CHST8: variants seen among roughly 807,000 people sequenced by gnomAD.
The protein encoded by CHST8 is carbohydrate sulfotransferase 8.
Under a neutral mutation model 15.0 loss-of-function variants are expected in CHST8, and 10 were observed. The observed-to-expected ratio is 0.67, with a 90% CI of 0.41 to 1.13. The LOEUF (loss-of-function observed/expected upper bound fraction) is 1.13. CHST8 is among the 50% of genes most tolerant of loss of function. The pLI, the probability that CHST8 is intolerant of heterozygous loss-of-function variation, is 0.00. For synonymous variants in CHST8, 259 were observed against 256.6 expected (o/e 1.01, Z -0.09); for missense variants, 634 against 608.2 (o/e 1.04, Z -0.45).
At chr19:33,661,867 C>CAAAA (rs34236738) in intron 1 of CHST8, among the ~76,000 whole-genome samples, 5 of 76,662 alleles carry the variant, frequency 6.5e-5, no homozygotes, top group African/African-American at 1.7e-4. Flanking sequence ...TTCATCTTTA[C>CAAAA]AAAAAAAAAA....
chr19:33,771,887 C>T (rs1974990477), intron 4 of CHST8, 70 bp from the exon 5 acceptor site: 4 of 1,499,108 alleles, frequency 2.7e-6, no homozygotes, highest in Non-Finnish European at 2.7e-6. Flanking sequence ...GTGGTGAGAG[C>T]CTGACCTGTG....
At chr19:33,661,867 CAAAAAAAAAA>C (rs34236738) in intron 1 of CHST8, among the ~76,000 whole-genome samples, 13 of 76,664 alleles carry the variant, frequency 1.7e-4, no homozygotes, top group African/African-American at 4.8e-4. Context: ...TTCATCTTTA[CAAAAAAAAAA>C]AAAAAAAAAA....
At chr19:33,762,452 G>A (rs1021739979) in intron 3 of CHST8, among the ~76,000 whole-genome samples, 2 of 152,234 alleles carry the variant, frequency 1.3e-5, no homozygotes, top group African/African-American at 4.8e-5. Flanking sequence ...CAGCTGAATC[G>A]TGGATCCTAA....
rs1179274022 is a variant in CHST8 at position 33,764,823 on chromosome 19, GT to G, written c.131-6584del. Among the ~76,000 whole-genome samples, 8 of 152,004 alleles carry G rather than the reference GT, an allele frequency of 5.3e-5. No homozygotes were observed. The South Asian group carries it at 1.7e-3, about 32-fold the overall frequency. On this transcript the variant is annotated intron_variant, in intron 3 of 4. Coordinates refer to ENST00000650847, the MANE Select transcript of CHST8 (RefSeq NM_001127895.2). ...CAGTGTACACTGCACACAATTTGTA[GT>G]TTTTTATCCTTCACCCCCTTCCCAC...
chr19:33,695,029 C>T (rs1973184865), intron 3 of CHST8, among the ~76,000 whole-genome samples: 1 of 151,046 alleles, frequency 6.6e-6, no homozygotes, highest in Non-Finnish European at 1.5e-5. Context: ...CATGAAAGCT[C>T]ACTGCAGCTT....
In CHST8 at chr19:33,680,303, C is replaced by A. The variant is rs1048982891; in HGVS notation, c.-86-8873C>A. 2.0e-5 allele frequency among the ~76,000 whole-genome samples: 3 copies of A among 152,332 alleles called. No homozygotes were observed. In the East Asian group the frequency reaches 5.8e-4, roughly 29 times the overall value. On this transcript the variant is annotated intron_variant, in intron 2 of 4. Coordinates refer to ENST00000650847, the MANE Select transcript of CHST8 (RefSeq NM_001127895.2). ...CCTTTTTCTTTTCTTTCCCTCACAA[C>A]TGTGACTCAAAATCCCATTCTGGGC...
intron 3 of CHST8, among the ~76,000 whole-genome samples, chr19:33,766,530 G>T (rs962778565): frequency 6.6e-6 from 1 of 152,206 alleles, no homozygotes; most frequent in Non-Finnish European, 1.5e-5. Flanking sequence ...TGCACCTTAG[G>T]TGTGGGAGCT....
At chr19:33,664,419 G>A (rs972704362) in intron 1 of CHST8, among the ~76,000 whole-genome samples, 1 of 138,674 alleles carries the variant, frequency 7.2e-6, no homozygotes, top group Admixed American at 7.0e-5. Context: ...ATATCTCCCA[G>A]TGCTATCCCT....
At chr19:33,624,263 GAGC>G (rs1421662743) in intron 1 of CHST8, among the ~76,000 whole-genome samples, 1 of 152,230 alleles carries the variant, frequency 6.6e-6, no homozygotes, top group Admixed American at 6.5e-5. Context: ...TAAATTGCCT[GAGC>G]AGGCAAAATG....
At chr19:33,703,848 G>A (rs758726165) in intron 3 of CHST8, among the ~76,000 whole-genome samples, 1 of 152,198 alleles carries the variant, frequency 6.6e-6, no homozygotes, top group Non-Finnish European at 1.5e-5. Context: ...TGGAAGATTC[G>A]CTCATTTTGA....
In CHST8 at chr19:33,745,322, T is replaced by C. The variant is rs112475641; in HGVS notation, c.131-26091T>C. On this transcript the variant is annotated intron_variant, in intron 3 of 4. Transcript: ENST00000650847. Reference sequence around the variant, plus strand: ...CCATATTTCTTAGCCTCCAGATACATTTTTTTACATGCCAGGGCATTTTCT... The same window carrying C: ...CCATATTTCTTAGCCTCCAGATACACTTTTTTACATGCCAGGGCATTTTCT... Among the ~76,000 whole-genome samples, 4 of 152,266 alleles carry C rather than the reference T, an allele frequency of 2.6e-5. 1 individual carries two copies. Among genetic ancestry groups the C allele is most frequent in the African/African-American group, 9.6e-5 (4 of 41,586 alleles).
intron 1 of CHST8, among the ~76,000 whole-genome samples, chr19:33,651,635 T>G (rs1475147091): frequency 1.3e-5 from 2 of 152,204 alleles, no homozygotes; most frequent in Admixed American, 6.5e-5. Flanking sequence ...TCCTTGTGAT[T>G]CTTTGACTCA....
intron 2 of CHST8, among the ~76,000 whole-genome samples, chr19:33,671,742 A>G (rs1212766453): frequency 6.6e-6 from 1 of 151,470 alleles, no homozygotes. Context: ...TGTCCTTAGT[A>G]TTTCTCACCC....
intron 3 of CHST8, among the ~76,000 whole-genome samples, chr19:33,740,254 C>A (rs998591953): frequency 1.6e-4 from 25 of 152,072 alleles, no homozygotes; most frequent in African/African-American, 6.0e-4. Flanking sequence ...TGTGGAAGTC[C>A]CCAAGCTCTT....
At chr19:33,663,794 C>T (rs1286168204) in intron 1 of CHST8, among the ~76,000 whole-genome samples, 2 of 152,060 alleles carry the variant, frequency 1.3e-5, no homozygotes, top group Admixed American at 6.6e-5. Context: ...CGCTTGAACT[C>T]GGGAGGTGGA....
At chr19:33,740,557 T>C (rs1432006127) in intron 3 of CHST8, among the ~76,000 whole-genome samples, 1 of 152,198 alleles carries the variant, frequency 6.6e-6, no homozygotes, top group African/African-American at 2.4e-5. Flanking sequence ...AGACTGGCAA[T>C]GTAAGTCGGA....
intron 3 of CHST8, among the ~76,000 whole-genome samples, chr19:33,757,219 G>A (rs1236106782): frequency 5.3e-5 from 8 of 151,386 alleles, no homozygotes; most frequent in Non-Finnish European, 7.4e-5. Context: ...GTAAAACCCC[G>A]TCTTTACTGA....
chr19:33,628,584 C>T (rs758734690), intron 1 of CHST8, among the ~76,000 whole-genome samples: 11 of 152,184 alleles, frequency 7.2e-5, no homozygotes, highest in African/African-American at 9.7e-5. Context: ...AGTGCATCTA[C>T]GCTGGTTGAA....
chr19:33,740,287 A>G (rs1429861665), intron 3 of CHST8, among the ~76,000 whole-genome samples: 1 of 152,158 alleles, frequency 6.6e-6, no homozygotes, highest in Admixed American at 6.5e-5. Context: ...CTCTTCAGTG[A>G]CGCCCAGGGA....
Sources: allele counts gnomAD v4.1 joint callset (sites outside exome capture counted in the v4.1 genomes callset), GRCh38; gene constraint gnomAD v4.1.1; transcripts MANE v1.5; gene names NCBI Gene and HGNC (gene_info 2026-07-23, HGNC 2026-07-21).